RHOBTB3: variants seen among roughly 807,000 people sequenced by gnomAD.
RHOBTB3 encodes rho-related BTB domain-containing protein 3.
RHOBTB3 carries 47 observed loss-of-function variants against 67.2 expected under a neutral mutation model. The ratio of observed to expected loss-of-function variants is 0.70; its 90% confidence interval spans 0.55 to 0.89. The LOEUF is 0.89. Ranked by LOEUF, RHOBTB3 falls within the 40% of genes least tolerant of loss-of-function variation. The pLI is 0.00. For missense variants in RHOBTB3, 631 were observed against 750.0 expected (o/e 0.84, Z 1.85); for synonymous variants, 273 against 274.2 (o/e 1.00, Z 0.04).
chr5:95,769,122 C>T (rs138262252), intron 8 of RHOBTB3: 78 of 369,058 alleles, frequency 2.1e-4, no homozygotes, highest in African/African-American at 1.3e-3. Flanking sequence ...TTCAAGGTGT[C>T]GACCTTTTAG....
intron 9 of RHOBTB3, among the ~76,000 whole-genome samples, chr5:95,780,805 C>T (rs953429024): frequency 3.9e-5 from 6 of 152,088 alleles, no homozygotes; most frequent in South Asian, 4.1e-4. Flanking sequence ...AGGAGGGTTG[C>T]GCAACTGCTT....
intron 5 of RHOBTB3, 124 bp downstream of exon 5, chr5:95,752,474 G>A (rs1454778221): frequency 2.8e-6 from 2 of 713,770 alleles, no homozygotes; most frequent in Non-Finnish European, 4.8e-6. Flanking sequence ...TTCTGATTCA[G>A]TCAACCTGGG....
chr5:95,755,132 A>T (rs935424251), intron 5 of RHOBTB3, among the ~76,000 whole-genome samples: 9 of 152,306 alleles, frequency 5.9e-5, no homozygotes, highest in Middle Eastern at 3.4e-3. Flanking sequence ...ATAAAATGTA[A>T]ATAAACATAG....
intron 2 of RHOBTB3, among the ~76,000 whole-genome samples, chr5:95,733,861 T>C (rs1170948439): frequency 6.6e-6 from 1 of 152,204 alleles, no homozygotes; most frequent in Non-Finnish European, 1.5e-5. Flanking sequence ...GAATATTAAA[T>C]ATAGCAGAGC....
chr5:95,764,047 C>T (rs1325428089), intron 7 of RHOBTB3, among the ~76,000 whole-genome samples: 2 of 152,034 alleles, frequency 1.3e-5, no homozygotes, highest in African/African-American at 4.8e-5. Context: ...TGGGCTCAAG[C>T]GATCTGCCCA....
chr5:95,780,347 C>T lies in RHOBTB3; in HGVS notation c.1378C>T (p.Leu460=). 1 of 1,613,856 alleles carries T rather than the reference C, an allele frequency of 6.2e-7. No individual in the cohort carries two copies. ...TAATTACATGGAAGCAAAGAGTGTC[C>T]TGATTCCCGTTTATGGTGTTTCCAA... ...NGNYMEAKSV[L]IPVYGVSKET... The change falls in exon 9 of 12, where the codon CTG becomes TTG. Residue 460 remains leucine (L), a synonymous_variant. Coordinates refer to ENST00000379982, the MANE Select transcript of RHOBTB3 (RefSeq NM_014899.4).
chr5:95,778,463 T>A (rs1289564519), intron 8 of RHOBTB3, among the ~76,000 whole-genome samples: 1 of 152,108 alleles, frequency 6.6e-6, no homozygotes, highest in East Asian at 1.9e-4. Flanking sequence ...GTGGAACCCA[T>A]GGATTCGGAG....
At chr5:95,729,648 A>G (rs1755162949), upstream of RHOBTB3, among the ~76,000 whole-genome samples, 1 of 152,092 alleles carries the variant, frequency 6.6e-6, no homozygotes, top group South Asian at 2.1e-4. Context: ...GCAAACCTGA[A>G]ACACTATACC....
chr5:95,720,008 A>G (rs987996792), intron 1 of RHOBTB3, among the ~76,000 whole-genome samples: 5 of 152,198 alleles, frequency 3.3e-5, no homozygotes, highest in African/African-American at 9.6e-5. Flanking sequence ...CTTTCCTATA[A>G]GGGAAGACAG....
chr5:95,718,769 C>A (rs970629824), intron 1 of RHOBTB3, among the ~76,000 whole-genome samples: 1 of 152,124 alleles, frequency 6.6e-6, no homozygotes, highest in Non-Finnish European at 1.5e-5. Flanking sequence ...TGAGAACAGA[C>A]AAGAGATGCA....
chr5:95,779,767 T>C (rs1056191477), intron 8 of RHOBTB3, among the ~76,000 whole-genome samples: 16 of 152,186 alleles, frequency 1.1e-4, no homozygotes, highest in African/African-American at 3.9e-4. Context: ...CTATTCCTAC[T>C]GTGGTGTACG....
At chr5:95,740,868 C>CT (rs34577877) in intron 3 of RHOBTB3, among the ~76,000 whole-genome samples, 1 of 151,872 alleles carries the variant, frequency 6.6e-6, no homozygotes, top group Admixed American at 6.6e-5. Context: ...CACACACACA[C>CT]TTTTTTTTGG....
rs1445449510 is a variant in RHOBTB3, at chr5:95,783,946, C to T, written c.1606C>T (p.Leu536=). Residue 536 remains leucine, a synonymous_variant, in exon 10 of 12, where the codon CTG becomes TTG. Coordinates refer to ENST00000379982, the MANE Select transcript of RHOBTB3 (RefSeq NM_014899.4). ...ATCCATGAACCTTGATATAGTTGAC[C>T]TGCTTAAAAAGGCCAAGGTAATTGA... ...LASMNLDIVD[L]LKKAKFHHSD... is the part of the protein sequence containing the mutation. 3.7e-6 allele frequency: 6 copies of T among 1,612,440 alleles called. No individual in the cohort carries two copies. Among genetic ancestry groups the T allele is most frequent in the Non-Finnish European group, 2.5e-6 (3 of 1,179,012 alleles).
intron 7 of RHOBTB3, among the ~76,000 whole-genome samples, chr5:95,765,813 C>T (rs1745528259): frequency 1.3e-5 from 2 of 152,180 alleles, no homozygotes; most frequent in African/African-American, 4.8e-5. Context: ...AGGCGCCCGC[C>T]ACCACACCCA....
rs923965257 is a variant in RHOBTB3 at position 95,755,422 on chromosome 5, G to A, written c.709G>A (p.Ala237Thr). The A allele has an allele frequency of 3.2e-6, 5 of 1,580,302 alleles. No homozygotes were observed. In the African/African-American group the frequency reaches 4.1e-5, roughly 13 times the overall value. The part of the protein sequence containing the change: ...PEKMPVLKAE[A>T]SHYNSDLNNL... ...AAAAATGCCTGTCTTAAAGGCTGAA[G>A]CGTCACATTATAACTCTGACTTAAA... is the stretch of plus-strand genomic sequence containing the variant. The change falls in exon 6 of 12, where the codon GCG becomes ACG. Residue 237 changes from alanine to threonine, a missense_variant. Ala to Thr is a moderately conservative substitution (Grantham distance 58). Coordinates refer to ENST00000379982, the MANE Select transcript of RHOBTB3 (RefSeq NM_014899.4).
intron 8 of RHOBTB3, chr5:95,769,159 C>A: frequency 2.8e-6 from 1 of 353,766 alleles, no homozygotes. Flanking sequence ...TACAGTGGGG[C>A]CGAAGGGAAG....
rs928447887 is a variant in RHOBTB3 at position 95,790,818 on chromosome 5, T to C, written c.1720+1960T>C. On this transcript the variant is annotated intron_variant, in intron 11 of 11. Transcript: ENST00000379982. ...ACTAACTGGCCATCTATGGTTTAGG[T>C]GTAGCCTGCCAACGTGTTTTATTGG... 2.6e-5 allele frequency among the ~76,000 whole-genome samples: 4 copies of C among 152,354 alleles called. No homozygotes were observed. The East Asian group carries it at 7.7e-4, about 29-fold the overall frequency.
intron 8 of RHOBTB3, among the ~76,000 whole-genome samples, chr5:95,771,621 C>T (rs1745717164): frequency 6.6e-6 from 1 of 152,176 alleles, no homozygotes; most frequent in African/African-American, 2.4e-5. Context: ...TATGATCACA[C>T]CTTGATTTAT....
At chr5:95,759,626 C>A (rs1246700034) in intron 6 of RHOBTB3, among the ~76,000 whole-genome samples, 1 of 152,166 alleles carries the variant, frequency 6.6e-6, no homozygotes, top group Non-Finnish European at 1.5e-5. Flanking sequence ...TCAAATCAAA[C>A]AAAAATTTTA....
Sources: gnomAD v4.1 joint callset for allele counts (sites outside exome capture counted in the v4.1 genomes callset) on GRCh38, gnomAD v4.1.1 for gene constraint, MANE v1.5 for transcripts, NCBI Gene and HGNC (gene_info 2026-07-23, HGNC 2026-07-21) for gene names.